Variants in DCC observed in about 807,000 individuals in gnomAD.
The protein encoded by DCC is netrin receptor DCC.
Under a neutral mutation model 172.5 loss-of-function variants are expected in DCC, and 58 were observed. That is an observed-to-expected ratio of 0.34 (90% CI 0.27 to 0.42). The LOEUF is 0.42. Ranked by LOEUF, DCC falls within the 10% of genes least tolerant of loss-of-function variation. The probability of loss-of-function intolerance (pLI) is 1.00; values close to 1 mark genes in which losing one functional copy is unlikely to be tolerated. For synonymous variants in DCC, 709 were observed against 644.5 expected (o/e 1.10, Z -1.52); for missense variants, 1,740 against 1,791.0 (o/e 0.97, Z 0.51).
intron 5 of DCC, among the ~76,000 whole-genome samples, chr18:52,948,438 T>A (rs1436254983): frequency 1.3e-5 from 2 of 152,186 alleles, no homozygotes; most frequent in Admixed American, 1.3e-4. Context: ...TTCAAAGCTA[T>A]CATTTATTGA....
At chr18:53,205,061 G>A (rs191402208) in intron 9 of DCC, among the ~76,000 whole-genome samples, 155 bp from the exon 10 acceptor site, 376 of 152,200 alleles carry the variant, frequency 2.5e-3, no homozygotes, top group Non-Finnish European at 4.7e-3. Flanking sequence ...AAAGCTTCCA[G>A]AGTTTATATT....
At chr18:53,352,502 A>T (rs1172427940) in intron 15 of DCC, among the ~76,000 whole-genome samples, 1 of 152,030 alleles carries the variant, frequency 6.6e-6, no homozygotes, top group African/African-American at 2.4e-5. Flanking sequence ...ATCTATTTTG[A>T]TGTTAGTGCA....
intron 1 of DCC, among the ~76,000 whole-genome samples, chr18:52,450,672 A>G (rs762298500): frequency 2.5e-4 from 38 of 152,208 alleles, no homozygotes; most frequent in Middle Eastern, 3.4e-3. Context: ...GGAAGATAGA[A>G]CTTCATCCAT....
At chr18:53,253,991 G>A (rs2056473986) in intron 12 of DCC, among the ~76,000 whole-genome samples, 1 of 151,964 alleles carries the variant, frequency 6.6e-6, no homozygotes. Context: ...AATGAAGTGT[G>A]TTTTCCCTCC....
rs58516702 is a variant in DCC, at chr18:53,342,730, A to AATATAT, written c.2359+2836_2359+2841dup. On this transcript the variant is annotated intron_variant, in intron 15 of 28. Transcript: ENST00000442544. ...AATATACATATATTAGAAATACCCA[A>AATATAT]ATATATATATATATATATGGATATA... Among the ~76,000 whole-genome samples the AATATAT allele has an allele frequency of 1.4e-4, 20 of 143,442 alleles. 1 individual carries two copies. In the South Asian group the frequency reaches 3.1e-3, roughly 22 times the overall value. The allele number at this position is 143,442 out of a possible 152,430, so 94.1% of individuals were successfully genotyped here.
chr18:52,578,726 G>A (rs1422134973), intron 1 of DCC, among the ~76,000 whole-genome samples: 1 of 152,192 alleles, frequency 6.6e-6, no homozygotes, highest in African/African-American at 2.4e-5. Context: ...TAGAGGCTGG[G>A]CACGGTGGCT....
intron 5 of DCC, among the ~76,000 whole-genome samples, chr18:53,000,411 A>G (rs898681705): frequency 4.6e-5 from 7 of 151,620 alleles, no homozygotes; most frequent in African/African-American, 1.7e-4. Context: ...GTAAGGAGGG[A>G]TTGGGAAACA....
chr18:52,501,157 T>C (rs973015997), intron 1 of DCC, among the ~76,000 whole-genome samples: 1 of 152,170 alleles, frequency 6.6e-6, no homozygotes, highest in African/African-American at 2.4e-5. Context: ...GAGATTTTGC[T>C]CATCAGTTTC....
intron 7 of DCC, among the ~76,000 whole-genome samples, chr18:53,105,062 A>G (rs997767446): frequency 3.3e-5 from 5 of 151,990 alleles, no homozygotes; most frequent in African/African-American, 1.2e-4. Context: ...TGGAAATGGT[A>G]CTATTTGGAG....
chr18:52,797,991 A>C (rs2037909421), intron 2 of DCC, among the ~76,000 whole-genome samples: 1 of 150,478 alleles, frequency 6.6e-6, no homozygotes, highest in Non-Finnish European at 1.5e-5. Flanking sequence ...TTAGACCTCC[A>C]TATGGTGCCT....
chr18:52,892,205 G>C (rs185370182), intron 2 of DCC, among the ~76,000 whole-genome samples: 31 of 152,140 alleles, frequency 2.0e-4, no homozygotes, highest in Non-Finnish European at 4.3e-4. Context: ...CATCAGGAAA[G>C]GTCATAAACA....
At chr18:52,344,304 A>C (rs1983787663) in intron 1 of DCC, among the ~76,000 whole-genome samples, 1 of 152,196 alleles carries the variant, frequency 6.6e-6, no homozygotes. Flanking sequence ...ATGGTTTCCT[A>C]AACCAATGGG....
intron 12 of DCC, among the ~76,000 whole-genome samples, chr18:53,230,393 A>AT (rs1427523527): frequency 2.0e-5 from 3 of 152,052 alleles, no homozygotes; most frequent in Non-Finnish European, 4.4e-5. Flanking sequence ...AATGATCAGA[A>AT]TTTTTTAATG....
chr18:53,215,821 A>T lies in DCC; in HGVS notation c.1911+224A>T, dbSNP rs569171809. ...CTTCTAAACAAATATTTTGATTTAC[A>T]AATATTAAACAAACATTGATTTTGT... On this transcript the variant is annotated intron_variant, in intron 12 of 28. Transcript: ENST00000442544. Among the ~76,000 whole-genome samples the T allele has an allele frequency of 2.0e-5, 3 of 152,326 alleles. No homozygotes were observed. The South Asian group carries it at 6.2e-4, about 32-fold the overall frequency.
At chr18:53,330,853 C>G (rs141403619) in intron 14 of DCC, among the ~76,000 whole-genome samples, 3 of 152,334 alleles carry the variant, frequency 2.0e-5, no homozygotes, top group Middle Eastern at 3.4e-3. Flanking sequence ...TCTCTAAACA[C>G]ATTTTGACAC....
chr18:53,401,567 A>G (rs1909296060), intron 18 of DCC, among the ~76,000 whole-genome samples: 3 of 152,190 alleles, frequency 2.0e-5, no homozygotes, highest in African/African-American at 4.8e-5. Flanking sequence ...ATATATGACC[A>G]ACAGAAGTAC....
intron 1 of DCC, among the ~76,000 whole-genome samples, chr18:52,650,812 GA>G (rs2035117619): frequency 6.6e-6 from 1 of 152,190 alleles, no homozygotes; most frequent in Admixed American, 6.5e-5. Flanking sequence ...GTGCCAGGGA[GA>G]AAGTACCATT....
intron 5 of DCC, among the ~76,000 whole-genome samples, chr18:52,939,317 T>A (rs2040426594): frequency 1.3e-5 from 2 of 152,190 alleles, no homozygotes; most frequent in African/African-American, 4.8e-5. Flanking sequence ...GTTGTCCTTG[T>A]CCATTCTGAT....
chr18:53,378,708 C>T (rs2144975469), intron 15 of DCC, among the ~76,000 whole-genome samples: 1 of 152,274 alleles, frequency 6.6e-6, no homozygotes, highest in African/African-American at 2.4e-5. Flanking sequence ...CATGTTTTGA[C>T]CTGATTTTCT....
Sources: gnomAD v4.1 joint callset for allele counts (sites outside exome capture counted in the v4.1 genomes callset) on GRCh38, gnomAD v4.1.1 for gene constraint, MANE v1.5 for transcripts, NCBI Gene and HGNC (gene_info 2026-07-23, HGNC 2026-07-21) for gene names.